USH2A: variants seen among roughly 807,000 people sequenced by gnomAD.
USH2A encodes the protein Usher syndrome 2A (autosomal recessive, mild).
In USH2A, 443 loss-of-function variants were observed where a neutral mutation model predicts 538.9. That is an observed-to-expected ratio of 0.82 (90% confidence interval 0.76 to 0.89). The LOEUF (loss-of-function observed/expected upper bound fraction) is 0.89. Ranked by LOEUF, USH2A falls within the 40% of genes least tolerant of loss-of-function variation. USH2A has a pLI of 0.00. For missense variants in USH2A, 6,633 were observed against 6,324.8 expected, an observed-to-expected ratio of 1.05 and a Z score of -1.65; for synonymous variants, 2,413 against 2,273.5, an observed-to-expected ratio of 1.06 and a Z score of -1.75.
chr1:216,015,444 T>A (rs926368571), intron 32 of USH2A, among the ~76,000 whole-genome samples: 1 of 152,230 alleles, frequency 6.6e-6, no homozygotes. Context: ...TTATTCAGCC[T>A]GAACATCCTT....
rs1002559907 is a variant in USH2A, at chr1:215,623,177, A to G, written c.*2604T>C. ...GTATAAAAACAACTGTACTCTTACC[A>G]AACAGTTGATATTAAGAATAACAAA... On this transcript the variant is annotated 3_prime_UTR_variant, in exon 72 of 72. Coordinates refer to ENST00000307340, the MANE Select transcript of USH2A (RefSeq NM_206933.4). The G allele has an allele frequency of 2.6e-5, 4 of 151,848 alleles. No individual in the cohort carries two copies. The highest frequency in any genetic ancestry group is 7.2e-5 in the African/African-American group (3 of 41,402). The allele number at this position is 151,848 out of a possible 1,614,324, so 9.4% of individuals were successfully genotyped here. A position where few individuals can be genotyped will look rare whatever the true frequency, so the allele number is the denominator to read the frequency against.
intron 47 of USH2A, among the ~76,000 whole-genome samples, chr1:215,818,016 T>C (rs1005010493): frequency 1.3e-5 from 2 of 152,008 alleles, no homozygotes; most frequent in Non-Finnish European, 2.9e-5. Flanking sequence ...ATAGTAAATA[T>C]ATTTTCTCTT....
At position 216,078,343 on chromosome 1, in the gene USH2A, A is replaced by T. The variant is rs371201450; in HGVS notation, c.5318T>A (p.Ile1773Lys). The change falls in exon 27 of 72, where the codon ATA (isoleucine) becomes AAA (lysine). Residue 1773 changes from isoleucine to lysine, a missense_variant. Physicochemically the swap from Ile to Lys is moderately radical, Grantham distance 102. Transcript: ENST00000307340. ...DFLAMELKSG[I>K]LTFRLNTSLA... ...ACTGGTATTTAACCGGAAGGTCAATATTCCACTTTTCAGCTCCATCTGTAT... is the reference window on the plus strand; with the variant it reads ...ACTGGTATTTAACCGGAAGGTCAATTTTCCACTTTTCAGCTCCATCTGTAT... 5.9e-5 allele frequency: 96 copies of T among 1,613,594 alleles called. No homozygotes were observed. The highest frequency in any genetic ancestry group is 7.8e-5 in the Non-Finnish European group (92 of 1,179,688).
At chr1:215,745,887 A>G (rs1660456407) in intron 58 of USH2A, among the ~76,000 whole-genome samples, 1 of 152,222 alleles carries the variant, frequency 6.6e-6, no homozygotes, top group African/African-American at 2.4e-5. Flanking sequence ...CAAGGAAACA[A>G]ATGATGGATA....
At chr1:216,065,589 T>C (rs2031330376) in intron 30 of USH2A, among the ~76,000 whole-genome samples, 1 of 152,168 alleles carries the variant, frequency 6.6e-6, no homozygotes, top group African/African-American at 2.4e-5. Context: ...AAAATGTGAA[T>C]CATTCAATAG....
intron 38 of USH2A, among the ~76,000 whole-genome samples, chr1:215,908,649 C>T (rs1665699365): frequency 6.6e-6 from 1 of 151,770 alleles, no homozygotes; most frequent in Non-Finnish European, 1.5e-5. Context: ...TGAATACTTA[C>T]ATATTATTTA....
At chr1:216,072,595 T>C (rs761126117) in intron 29 of USH2A, 1 of 430,546 alleles carries the variant, frequency 2.3e-6, no homozygotes, top group Non-Finnish European at 4.3e-6. Context: ...TCCTTAGACA[T>C]GTTAGGTAGG....
chr1:216,369,490 C>T (rs527666306), intron 3 of USH2A, among the ~76,000 whole-genome samples: 21 of 152,294 alleles, frequency 1.4e-4, no homozygotes, highest in African/African-American at 4.8e-4. Context: ...ATGATGTGTT[C>T]AAGCTATTTC....
intron 38 of USH2A, among the ~76,000 whole-genome samples, chr1:215,918,013 T>C (rs1666004238): frequency 6.6e-6 from 1 of 151,734 alleles, no homozygotes; most frequent in African/African-American, 2.4e-5. Context: ...AACCATTATA[T>C]TTTAGAGTTG....
intron 9 of USH2A, among the ~76,000 whole-genome samples, chr1:216,293,201 T>C (rs1250192524): frequency 6.6e-6 from 1 of 152,066 alleles, no homozygotes; most frequent in African/African-American, 2.4e-5. Context: ...ATTTTTTGTA[T>C]TTTTAGTAGA....
intron 3 of USH2A, 150 bp from the exon 4 acceptor site, chr1:216,365,235 T>G (rs2038573157): frequency 2.2e-6 from 2 of 902,324 alleles, no homozygotes; most frequent in Admixed American, 5.8e-5. Context: ...AGCTCAGTGA[T>G]ATCTCCATGT....
chr1:215,948,443 T>TATAC (rs749886577), intron 37 of USH2A, among the ~76,000 whole-genome samples: 2,524 of 147,146 alleles, frequency 0.017, 31 homozygotes, highest in Admixed American at 0.026. Flanking sequence ...TATATATATA[T>TATAC]ACACACACAC....
intron 11 of USH2A, among the ~76,000 whole-genome samples, chr1:216,251,424 T>C (rs1177365810): frequency 6.6e-6 from 1 of 151,188 alleles, no homozygotes; most frequent in East Asian, 1.9e-4. Context: ...TAATTTAGTC[T>C]TTAGGACACC....
chr1:215,814,703 T>C (rs1662809422), intron 48 of USH2A, among the ~76,000 whole-genome samples: 1 of 152,130 alleles, frequency 6.6e-6, no homozygotes, highest in Non-Finnish European at 1.5e-5. Context: ...GGCCTCCCAG[T>C]CATGCTTCCT....
At chr1:215,863,915 G>A (rs1184235353) in intron 44 of USH2A, among the ~76,000 whole-genome samples, 1 of 152,164 alleles carries the variant, frequency 6.6e-6, no homozygotes, top group African/African-American at 2.4e-5. Flanking sequence ...AACATCTGAA[G>A]GTTGGGGTGA....
At chr1:215,665,723 A>T (rs554698131) in intron 64 of USH2A, among the ~76,000 whole-genome samples, 8 of 152,330 alleles carry the variant, frequency 5.3e-5, no homozygotes, top group African/African-American at 1.9e-4. Context: ...CACTGCATGT[A>T]TTAGAATAGC....
intron 14 of USH2A, among the ~76,000 whole-genome samples, chr1:216,222,962 G>C (rs188741547): frequency 2.0e-4 from 24 of 119,044 alleles, no homozygotes; most frequent in African/African-American, 7.5e-4. Flanking sequence ...TGGGCAACAA[G>C]AGCAAAACTC....
At chr1:216,410,314 A>C (rs1397076471) in intron 3 of USH2A, among the ~76,000 whole-genome samples, 1 of 152,158 alleles carries the variant, frequency 6.6e-6, no homozygotes, top group African/African-American at 2.4e-5. Flanking sequence ...ACCAAAAAAA[A>C]CAGAACTACC....
intron 50 of USH2A, among the ~76,000 whole-genome samples, chr1:215,791,768 A>G (rs1661988302): frequency 6.6e-6 from 1 of 152,204 alleles, no homozygotes; most frequent in South Asian, 2.1e-4. Flanking sequence ...TGGTGGGTAT[A>G]TATGTGTGTA....
Sources: gnomAD v4.1 joint callset for allele counts (sites outside exome capture counted in the v4.1 genomes callset) on GRCh38, gnomAD v4.1.1 for gene constraint, MANE v1.5 for transcripts, NCBI Gene and HGNC (gene_info 2026-07-23, HGNC 2026-07-21) for gene names.